SELENOW: variants seen among roughly 807,000 people sequenced by gnomAD.
The protein encoded by SELENOW is selenoprotein W, 1.
In SELENOW, 20 loss-of-function variants were observed where a neutral mutation model predicts 16.6. The observed-to-expected ratio is 1.21, with a 90% CI of 0.85 to 1.76. The LOEUF (loss-of-function observed/expected upper bound fraction) is 1.76. Among genes scored for constraint, SELENOW ranks in the 40% most tolerant of loss-of-function variants. The pLI, the probability that SELENOW is intolerant of heterozygous loss-of-function variation, is 0.00. For missense variants in SELENOW, 124 were observed against 111.0 expected (o/e 1.12, Z -0.53); for synonymous variants, 44 against 46.2 (o/e 0.95, Z 0.19).
At chr19:47,783,268 T>G (rs1967496468) in intron 5 of SELENOW, 1 of 151,946 alleles carries the variant, frequency 6.6e-6, no homozygotes, top group African/African-American at 2.4e-5. Flanking sequence ...TGGCGTGATC[T>G]CGGCTCACTG....
intron 1 of SELENOW, chr19:47,779,369 T>A (rs1249929402): frequency 6.5e-6 from 1 of 153,760 alleles, no homozygotes; most frequent in East Asian, 1.9e-4. Flanking sequence ...GCTTAATTTC[T>A]GCAAGTCTCA....
Position 47,781,312 on chromosome 19 carries a change from CAGAA to C in SELENOW, c.209_212del (p.Glu70AlafsTer?), listed in dbSNP as rs1967473989. The C allele has an allele frequency of 4.3e-6, 7 of 1,613,472 alleles. No individual in the cohort carries two copies. Among genetic ancestry groups the C allele is most frequent in the South Asian group, 1.1e-5 (1 of 91,072 alleles). On this transcript the variant is annotated frameshift_variant, in exon 5 of 6. Transcript: ENST00000601048. LOFTEE classifies it high-confidence loss of function. ...TAGAAAGGCGATGGCTACGTGGACA[CAGAA>C]AGCAAGTTTCTGAAGTTGGTGGCCG...
chr19:47,782,650 C>G (rs1329439208), intron 5 of SELENOW: 1 of 151,768 alleles, frequency 6.6e-6, no homozygotes. Context: ...AAGCAATTCT[C>G]CTGTGTCAGC....
At chr19:47,782,401 C>T (rs1438019430) in intron 5 of SELENOW, 1 of 152,274 alleles carries the variant, frequency 6.6e-6, no homozygotes, top group Non-Finnish European at 1.5e-5. Context: ...ATGAAATACA[C>T]CACCAGCTCC....
In SELENOW at chr19:47,778,752, G is replaced by T; in HGVS notation, c.-34G>T. On this transcript the variant is annotated 5_prime_UTR_variant, in exon 1 of 6. Coordinates refer to ENST00000601048, the MANE Select transcript of SELENOW (RefSeq NM_003009.4). ...GGTGGGAGGTTAGTGTGGCCCGGGC[G>T]TCCGCTCCTCAGCGGATGTGGCAGC... 1 of 1,594,188 alleles carries T rather than the reference G, an allele frequency of 6.3e-7. No homozygotes were observed. Among genetic ancestry groups the T allele is most frequent in the Non-Finnish European group, 8.5e-7 (1 of 1,171,486 alleles).
At chr19:47,779,127 G>A in intron 1 of SELENOW, 1 of 422,604 alleles carries the variant, frequency 2.4e-6, no homozygotes, top group Non-Finnish European at 4.3e-6. Context: ...GCTTTGTAAA[G>A]GGACCTAAGG....
intron 1 of SELENOW, chr19:47,779,108 T>TG (rs1276238549): frequency 2.1e-6 from 1 of 473,104 alleles, no homozygotes; most frequent in Non-Finnish European, 3.8e-6. Context: ...GGGAAGGGGC[T>TG]GGGGGTCAGC....
At chr19:47,783,595 G>A (rs1400190532) in intron 5 of SELENOW, 2 of 152,200 alleles carry the variant, frequency 1.3e-5, no homozygotes, top group African/African-American at 4.8e-5. Context: ...GTGGACCCAA[G>A]TACCAGCTCC....
In SELENOW at chr19:47,780,768, C is replaced by G. The variant is rs752733974; in HGVS notation, c.54+19C>G. 25 of 1,573,526 alleles carry G rather than the reference C, an allele frequency of 1.6e-5. No homozygotes were observed. The South Asian group carries it at 2.2e-4, about 14-fold the overall frequency. On this transcript the variant is annotated intron_variant, in intron 2 of 5. Transcript: ENST00000601048. ...GTCCAAGGTAAGCAGAGTGGATGCC[C>G]GGGGGGCATTCCTGGGAGCTGGGGA...
In SELENOW at chr19:47,781,326, C is replaced by T. The variant is rs748257175; in HGVS notation, c.220C>T (p.Leu74=). 1 of 1,613,048 alleles carries T rather than the reference C, an allele frequency of 6.2e-7. No homozygotes were observed. The highest frequency in any genetic ancestry group is 1.1e-5 in the South Asian group (1 of 91,024). The part of the protein sequence containing the change: ...DGYVDTESKF[L]KLVAAIKAAL... ...CTACGTGGACACAGAAAGCAAGTTTCTGAAGTTGGTGGCCGCCATCAAAGC... is the reference window on the plus strand; with the variant it reads ...CTACGTGGACACAGAAAGCAAGTTTTTGAAGTTGGTGGCCGCCATCAAAGC... The change falls in exon 5 of 6, where the codon CTG becomes TTG. Residue 74 remains leucine (L), a synonymous_variant. Transcript: ENST00000601048.
chr19:47,780,178 C>A (rs757399203), intron 1 of SELENOW: 1 of 445,190 alleles, frequency 2.2e-6, no homozygotes, highest in South Asian at 1.6e-5. Flanking sequence ...GAGGCTGGGG[C>A]GGGCCGATCC....
Position 47,780,888 on chromosome 19 carries a change from G to C in SELENOW, c.79G>C (p.Glu27Gln). ...GTATCTTCAGCTCAAGAAGAAGTTAGAAGATGAGTTCCCCGGCCGCCTGGA... is the reference window on the plus strand; with the variant it reads ...GTATCTTCAGCTCAAGAAGAAGTTACAAGATGAGTTCCCCGGCCGCCTGGA... ...SKYLQLKKKL[E>Q]DEFPGRLDIC... Residue 27 changes from glutamate (E) to glutamine (Q), a missense_variant, in exon 3 of 6, where the codon GAA becomes CAA. Transcript: ENST00000601048. 3 of 1,613,404 alleles carry C rather than the reference G, an allele frequency of 1.9e-6. No homozygotes were observed. Among genetic ancestry groups the C allele is most frequent in the Non-Finnish European group, 2.5e-6 (3 of 1,179,742 alleles).
intron 5 of SELENOW, 55 bp downstream of exon 5, chr19:47,781,443 T>A (rs1967475948): frequency 2.0e-6 from 2 of 977,730 alleles, no homozygotes; most frequent in Non-Finnish European, 3.2e-6. Flanking sequence ...CCCTGCCCCA[T>A]GCTCTGACTC....
rs548294699 is a variant in SELENOW, at chr19:47,781,718, A to G, written c.*18+330A>G. ...GCTGAGATGGTGATGGGTCAAAGGT[A>G]TGCAGGATGACGGCTGAGATGGTGA... is the stretch of plus-strand genomic sequence containing the variant. On this transcript the variant is annotated intron_variant, in intron 5 of 5. Transcript: ENST00000601048. 6.5e-5 allele frequency among the ~76,000 whole-genome samples: 9 copies of G among 139,368 alleles called. No individual in the cohort carries two copies. The South Asian group carries it at 7.1e-4, about 11-fold the overall frequency. The allele number at this position is 139,368 out of a possible 152,430, so 91.4% of individuals were successfully genotyped here. A position where few individuals can be genotyped will look rare whatever the true frequency, so the allele number is the denominator to read the frequency against.
intron 1 of SELENOW, chr19:47,779,056 A>AGT (rs1967441573): frequency 1.9e-6 from 1 of 539,686 alleles, no homozygotes; most frequent in Non-Finnish European, 3.3e-6. Context: ...GGCTGAGACG[A>AGT]GTGTGTGTCA....
chr19:47,780,831 G>C, intron 2 of SELENOW, 33 bp from the exon 3 acceptor site: 3 of 1,610,288 alleles, frequency 1.9e-6, no homozygotes, highest in Non-Finnish European at 2.5e-6. Context: ...TGACTGGTAT[G>C]ACCCCTGCTG....
At position 47,780,978 on chromosome 19, in the gene SELENOW, G is replaced by A. The variant is rs891987517; in HGVS notation, c.108+61G>A. 3.2e-6 allele frequency: 5 copies of A among 1,586,362 alleles called. No homozygotes were observed. In the South Asian group the frequency reaches 4.4e-5, roughly 14 times the overall value. ...GCCACTGTGTCGGTCCGTTAGGCCT[G>A]GATGGCACTGCAGGGGGGTTAGGTC... is the stretch of plus-strand genomic sequence containing the variant. On this transcript the variant is annotated intron_variant, in intron 3 of 5. Transcript: ENST00000601048.
chr19:47,780,963 C>T (rs980126639), intron 3 of SELENOW, 46 bp downstream of exon 3: 19 of 1,603,648 alleles, frequency 1.2e-5, no homozygotes, highest in East Asian at 2.2e-5. Flanking sequence ...GCCACTGTGT[C>T]GGTCCGTTAG....
Position 47,781,209 on chromosome 19 carries a change from G to C in SELENOW, c.183+27G>C, listed in dbSNP as rs372522609. ...TATGTCTGTCTGTCCGTCCTGCCTG[G>C]TTTTGGGGCTAGCATGGGGTTGGGG... On this transcript the variant is annotated intron_variant, in intron 4 of 5. Coordinates refer to ENST00000601048, the MANE Select transcript of SELENOW (RefSeq NM_003009.4). 2.6e-5 allele frequency: 42 copies of C among 1,611,420 alleles called. No individual in the cohort carries two copies. The East Asian group carries it at 8.5e-4, about 33-fold the overall frequency.
Sources: gnomAD v4.1 joint callset for allele counts (sites outside exome capture counted in the v4.1 genomes callset) on GRCh38, gnomAD v4.1.1 for gene constraint, MANE v1.5 for transcripts, NCBI Gene and HGNC (gene_info 2026-07-23, HGNC 2026-07-21) for gene names.